The following PLCL1 variants were observed in gnomAD, a reference collection of about 807,000 sequenced individuals.
The protein encoded by PLCL1 is phospholipase C like 1 (inactive), also known as inactive phospholipase C-like protein 1.
In PLCL1, 41 loss-of-function variants were observed where a neutral mutation model predicts 84.4. The observed-to-expected ratio is 0.49, with a 90% CI of 0.38 to 0.63. The LOEUF is 0.63. Among genes scored for constraint, PLCL1 ranks in the 30% least tolerant of loss-of-function variants. The pLI, the probability that PLCL1 is intolerant of heterozygous loss-of-function variation, is 0.00. For synonymous variants in PLCL1, 490 were observed against 488.3 expected (o/e 1.00, Z -0.05); for missense variants, 1,206 against 1,367.8 (o/e 0.88, Z 1.87).
chr2:197,895,797 G>A (rs1246816922), intron 1 of PLCL1, among the ~76,000 whole-genome samples: 1 of 151,862 alleles, frequency 6.6e-6, no homozygotes, highest in African/African-American at 2.4e-5. Context: ...TGAAATATGG[G>A]CCTTGAGTTA....
intron 1 of PLCL1, among the ~76,000 whole-genome samples, chr2:198,077,763 C>T (rs1305309151): frequency 6.6e-6 from 1 of 152,138 alleles, no homozygotes; most frequent in Non-Finnish European, 1.5e-5. Context: ...ATGTAAAATC[C>T]ACCATGGCCC....
At chr2:198,089,312 TA>T (rs1366235767) in intron 3 of PLCL1, among the ~76,000 whole-genome samples, 1 of 152,168 alleles carries the variant, frequency 6.6e-6, no homozygotes, top group Non-Finnish European at 1.5e-5. Context: ...AATGAATTAT[TA>T]AAAAACCCTC....
intron 1 of PLCL1, among the ~76,000 whole-genome samples, chr2:198,045,092 T>C (rs968384237): frequency 1.3e-5 from 2 of 152,238 alleles, no homozygotes; most frequent in Non-Finnish European, 2.9e-5. Context: ...AGCTTTATTA[T>C]GATTTATACC....
intron 1 of PLCL1, among the ~76,000 whole-genome samples, chr2:197,856,847 T>A (rs1574915106): frequency 6.6e-6 from 1 of 152,222 alleles, no homozygotes; most frequent in African/African-American, 2.4e-5. Context: ...TATTCTTCAT[T>A]ACCTTTATTC....
At chr2:198,117,315 C>G (rs1348096448) in intron 5 of PLCL1, among the ~76,000 whole-genome samples, 1 of 145,906 alleles carries the variant, frequency 6.9e-6, no homozygotes, top group Non-Finnish European at 1.5e-5. Context: ...GGGTCTCTAT[C>G]AGTCATTTTC....
At chr2:198,060,200 G>A (rs1305541934) in intron 1 of PLCL1, among the ~76,000 whole-genome samples, 3 of 152,160 alleles carry the variant, frequency 2.0e-5, no homozygotes, top group African/African-American at 7.2e-5. Context: ...CAAAACCTTT[G>A]ATAGTCTGTC....
rs1422454733 is a variant in PLCL1 at position 198,148,599 on chromosome 2, T to C, written c.*1637T>C. 1 of 152,310 alleles carries C rather than the reference T, an allele frequency of 6.6e-6. No individual in the cohort carries two copies. 9.4% of individuals were successfully genotyped at this position (152,310 alleles called of 1,614,324 possible). A position where few individuals can be genotyped will look rare whatever the true frequency, so the allele number is the denominator to read the frequency against. On this transcript the variant is annotated 3_prime_UTR_variant, in exon 6 of 6. Coordinates refer to ENST00000428675, the MANE Select transcript of PLCL1 (RefSeq NM_006226.4). Reference sequence around the variant, plus strand: ...AGGCAAGTTTCCAATGATGCTACAATGGCCTGAAAAAATTTCTTTACCCTC... The same window carrying C: ...AGGCAAGTTTCCAATGATGCTACAACGGCCTGAAAAAATTTCTTTACCCTC...
At chr2:198,012,725 G>GTATATATAAAAATTTATATATATTACA (rs1469831423) in intron 1 of PLCL1, among the ~76,000 whole-genome samples, 18 of 149,938 alleles carry the variant, frequency 1.2e-4, no homozygotes, top group Non-Finnish European at 2.2e-4. Flanking sequence ...GTGTATATGT[G>GTATATATAAAAATTTATATATATTACA]TATATATAAA....
At chr2:197,809,082 C>T (rs1182845509) in intron 1 of PLCL1, among the ~76,000 whole-genome samples, 2 of 152,042 alleles carry the variant, frequency 1.3e-5, no homozygotes, top group Non-Finnish European at 2.9e-5. Flanking sequence ...TGAACTGAAG[C>T]CTTAAAGGTG....
chr2:197,988,802 G>T (rs551627845), intron 1 of PLCL1, among the ~76,000 whole-genome samples: 21 of 152,270 alleles, frequency 1.4e-4, no homozygotes, highest in Admixed American at 1.0e-3. Context: ...TCTCTGTACT[G>T]TTTTCCATAC....
intron 1 of PLCL1, among the ~76,000 whole-genome samples, chr2:197,947,587 C>T (rs1384025087): frequency 1.3e-5 from 2 of 152,056 alleles, no homozygotes; most frequent in African/African-American, 2.4e-5. Flanking sequence ...TGGGAATGTG[C>T]AAAGTAGAGA....
intron 1 of PLCL1, among the ~76,000 whole-genome samples, chr2:197,813,446 A>T (rs554222982): frequency 6.6e-6 from 1 of 152,278 alleles, no homozygotes; most frequent in Non-Finnish European, 1.5e-5. Context: ...AGCATTTAGT[A>T]AACTCCAGCT....
At chr2:197,879,944 A>T (rs1159573680) in intron 1 of PLCL1, among the ~76,000 whole-genome samples, 1 of 152,222 alleles carries the variant, frequency 6.6e-6, no homozygotes, top group East Asian at 1.9e-4. Context: ...AGAGAAAAAT[A>T]AAAGCTTGCC....
chr2:198,112,253 G>A (rs1468791809), intron 5 of PLCL1, among the ~76,000 whole-genome samples: 1 of 151,778 alleles, frequency 6.6e-6, no homozygotes, highest in Non-Finnish European at 1.5e-5. Context: ...ACCCCTGAGC[G>A]AATGGATACA....
At chr2:198,019,002 G>T (rs780413375) in intron 1 of PLCL1, among the ~76,000 whole-genome samples, 23 of 152,174 alleles carry the variant, frequency 1.5e-4, no homozygotes, top group Non-Finnish European at 2.6e-4. Context: ...CATCTGGCAG[G>T]TGCCCCTCTG....
intron 1 of PLCL1, among the ~76,000 whole-genome samples, chr2:197,944,977 T>G (rs1334088438): frequency 6.6e-6 from 1 of 152,232 alleles, no homozygotes; most frequent in African/African-American, 2.4e-5. Context: ...AGCAAAAGTA[T>G]CTTTCTTTTG....
intron 1 of PLCL1, among the ~76,000 whole-genome samples, chr2:197,841,683 G>T (rs551511491): frequency 1.3e-5 from 2 of 152,326 alleles, no homozygotes; most frequent in Admixed American, 6.5e-5. Flanking sequence ...ACATTTGTGT[G>T]TAGGCTTCTG....
At chr2:198,126,492 A>G (rs564149117) in intron 5 of PLCL1, among the ~76,000 whole-genome samples, 34 of 152,222 alleles carry the variant, frequency 2.2e-4, no homozygotes, top group African/African-American at 7.9e-4. Flanking sequence ...TGTGGGGACC[A>G]CCCAGGGGCT....
At chr2:197,904,925 T>A (rs79416317) in intron 1 of PLCL1, among the ~76,000 whole-genome samples, 58 of 152,356 alleles carry the variant, frequency 3.8e-4, no homozygotes, top group Admixed American at 1.0e-3. Flanking sequence ...ATATTAGATC[T>A]TAGAATGTGA....
Sources: allele counts gnomAD v4.1 joint callset (sites outside exome capture counted in the v4.1 genomes callset), GRCh38; gene constraint gnomAD v4.1.1; transcripts MANE v1.5; gene names NCBI Gene and HGNC (gene_info 2026-07-23, HGNC 2026-07-21).